Variants in DENND3 observed in about 807,000 individuals in gnomAD.
DENND3 encodes the protein DENN domain-containing protein 3.
In DENND3, 88 loss-of-function variants were observed where a neutral mutation model predicts 135.1. The ratio of observed to expected loss-of-function variants is 0.65; its 90% CI spans 0.55 to 0.78. The LOEUF is 0.78. DENND3 is among the 30% of genes least tolerant of loss of function. The pLI, the probability that DENND3 is intolerant of heterozygous loss-of-function variation, is 0.00. For synonymous variants in DENND3, 693 were observed against 712.3 expected, an observed-to-expected ratio of 0.97 and a Z score of 0.43; for missense variants, 1,392 against 1,688.4, an observed-to-expected ratio of 0.82 and a Z score of 3.08.
chr8:141,151,055 G>C, intron 6 of DENND3, 102 bp downstream of exon 6: 1 of 1,396,412 alleles, frequency 7.2e-7, no homozygotes, highest in Non-Finnish European at 9.4e-7. Flanking sequence ...ATTCCACAAT[G>C]CACCGACTGG....
Position 141,174,617 on chromosome 8 carries a change from G to A in DENND3, c.2276-583G>A, listed in dbSNP as rs952890295. Reference sequence around the variant, plus strand: ...TCCAGAGCCCGTGAGTGCTGGCCTCGTGGGAAGGTTACTGCTTCTCATCAG... The same window carrying A: ...TCCAGAGCCCGTGAGTGCTGGCCTCATGGGAAGGTTACTGCTTCTCATCAG... On this transcript the variant is annotated intron_variant, in intron 13 of 22. Coordinates refer to ENST00000519811, the MANE Select transcript of DENND3 (RefSeq NM_001352890.3). This position sits in a 1 kb window ranked among gnomAD's most constrained non-coding sequence, Gnocchi z 4.6. Among the ~76,000 whole-genome samples, 34 of 152,090 alleles carry A rather than the reference G, an allele frequency of 2.2e-4. No individual in the cohort carries two copies. Among genetic ancestry groups the A allele is most frequent in the Admixed American group, 1.2e-3 (18 of 15,272 alleles).
intron 8 of DENND3, chr8:141,158,423 T>A (rs1819709006): frequency 1.8e-6 from 2 of 1,133,992 alleles, no homozygotes; most frequent in African/African-American, 3.3e-5. Flanking sequence ...CTTGTTAGAA[T>A]TCCGGAATAG....
chr8:141,172,224 G>A (rs780866980), intron 13 of DENND3, among the ~76,000 whole-genome samples: 10 of 151,742 alleles, frequency 6.6e-5, no homozygotes, highest in East Asian at 5.8e-4. Context: ...CACAGTGGCC[G>A]TGGGTGTGCA....
chr8:141,145,832 TATATATATATATA>T lies in DENND3; in HGVS notation c.735+1574_735+1586del, dbSNP rs1569555464. Among the ~76,000 whole-genome samples, 42 of 82,740 alleles carry T rather than the reference TATATATATATATA, an allele frequency of 5.1e-4. 2 individuals carry two copies. Among genetic ancestry groups the T allele is most frequent in the African/African-American group, 3.6e-3 (42 of 11,636 alleles). The allele number at this position is 82,740 out of a possible 152,430, so 54.3% of individuals were successfully genotyped here. ...ATATATATATATATATATATATATA[TATATATATATATA>T]TATATGTATTTTTTTTTTTTTGAGG... On this transcript the variant is annotated intron_variant, in intron 5 of 22. Transcript: ENST00000519811.
chr8:141,166,467 G>T lies in DENND3; in HGVS notation c.1753+78G>T. The T allele has an allele frequency of 1.4e-6, 2 of 1,480,968 alleles. No individual in the cohort carries two copies. The highest frequency in any genetic ancestry group is 1.8e-6 in the Non-Finnish European group (2 of 1,101,080). 91.7% of individuals were successfully genotyped at this position (1,480,968 alleles called of 1,614,324 possible). A position where few individuals can be genotyped will look rare whatever the true frequency, so the allele number is the denominator to read the frequency against. ...CCTGCAAGTCATTGAGCAAAACTGGGACTTGTTTCAGGAGAGACGAGTGGG... is the reference window on the plus strand; with the variant it reads ...CCTGCAAGTCATTGAGCAAAACTGGTACTTGTTTCAGGAGAGACGAGTGGG... On this transcript the variant is annotated intron_variant, in intron 12 of 22. Coordinates refer to ENST00000519811, the MANE Select transcript of DENND3 (RefSeq NM_001352890.3). The surrounding 1 kb of genome is among the most constrained non-coding windows in gnomAD (Gnocchi z 4.3).
Position 141,190,478 on chromosome 8 carries a change from C to T in DENND3, c.3379+61C>T, listed in dbSNP as rs1029196620. On this transcript the variant is annotated intron_variant, in intron 20 of 22. Coordinates refer to ENST00000519811, the MANE Select transcript of DENND3 (RefSeq NM_001352890.3). The stretch of plus-strand genomic sequence containing the variant: ...ACCTCCCTGCTCTGGGAAAAGGATG[C>T]TGAACGAGAGCAGAAAGCCTCTTTC... 4.0e-6 allele frequency: 6 copies of T among 1,509,210 alleles called. No individual in the cohort carries two copies. In the African/African-American group the frequency reaches 8.4e-5, roughly 21 times the overall value. The allele number at this position is 1,509,210 out of a possible 1,614,324, so 93.5% of individuals were successfully genotyped here. A position where few individuals can be genotyped will look rare whatever the true frequency, so the allele number is the denominator to read the frequency against.
rs1821000613 is a variant in DENND3 at position 141,167,822 on chromosome 8, G to A, written c.1754-182G>A. Among the ~76,000 whole-genome samples the A allele has an allele frequency of 1.3e-5, 2 of 152,194 alleles. No homozygotes were observed. Among genetic ancestry groups the A allele is most frequent in the African/African-American group, 4.8e-5 (2 of 41,442 alleles). ...CTCCTTGGGGTACCATGGAAGCAAA[G>A]TGAGGGTTCTCTCATGCCTCCCAGG... On this transcript the variant is annotated intron_variant, in intron 12 of 22. Transcript: ENST00000519811. This position sits in a 1 kb window ranked among gnomAD's most constrained non-coding sequence, Gnocchi z 4.1.
In DENND3 at chr8:141,178,176, T is replaced by C; in HGVS notation, c.2816T>C (p.Phe939Ser). 1 of 1,611,982 alleles carries C rather than the reference T, an allele frequency of 6.2e-7. No individual in the cohort carries two copies. The highest frequency in any genetic ancestry group is 8.5e-7 in the Non-Finnish European group (1 of 1,178,068). ...AIYAASKLSY[F>S]DKMSNEMPMT... ...TACGCTGCCTCCAAGTTATCCTACT[T>C]TGATAAGATGAGTAACGAAAGTAAG... The change falls in exon 16 of 23, where the codon TTT becomes TCT. Residue 939 changes from phenylalanine to serine, a missense_variant. Physicochemically the swap from Phe to Ser is radical, Grantham distance 155 (BLOSUM62 -2). Transcript: ENST00000519811.
chr8:141,151,732 G>A lies in DENND3; in HGVS notation c.969G>A (p.Gln323=), dbSNP rs1818819923. The A allele has an allele frequency of 6.2e-7, 1 of 1,614,220 alleles. No individual in the cohort carries two copies. Among genetic ancestry groups the A allele is most frequent in the South Asian group, 1.1e-5 (1 of 91,082 alleles). ...FMAYLYPLQW[Q]HPFVPILSDQ... ...CCTACCTGTATCCGCTGCAGTGGCA[G>A]CACCCCTTCGTGCCCATCCTGTCGG... The change falls in exon 7 of 23, where the codon CAG becomes CAA. Residue 323 remains glutamine, a synonymous_variant. Coordinates refer to ENST00000519811, the MANE Select transcript of DENND3 (RefSeq NM_001352890.3).
chr8:141,145,803 TTATATA>T (rs60546894), intron 5 of DENND3, among the ~76,000 whole-genome samples: 2,633 of 86,528 alleles, frequency 0.03, 58 homozygotes, highest in Non-Finnish European at 0.042. Flanking sequence ...ATATTGAATA[TTATATA>T]TATATATATA....
chr8:141,134,963 C>CG (rs1340003746), intron 1 of DENND3, among the ~76,000 whole-genome samples: 1 of 152,046 alleles, frequency 6.6e-6, no homozygotes, highest in African/African-American at 2.4e-5. Flanking sequence ...CCCGCCCGGC[C>CG]GAGTAGCTGG....
intron 18 of DENND3, 59 bp from the exon 19 acceptor site, chr8:141,188,927 T>C: frequency 6.3e-7 from 1 of 1,585,070 alleles, no homozygotes; most frequent in Non-Finnish European, 8.6e-7. Context: ...ATGTATAGAA[T>C]ATGACTTCAC....
intron 19 of DENND3, among the ~76,000 whole-genome samples, 187 bp downstream of exon 19, chr8:141,189,333 A>C (rs892678087): frequency 7.2e-5 from 11 of 152,240 alleles, no homozygotes; most frequent in Non-Finnish European, 1.6e-4. Flanking sequence ...CGGAGAACCC[A>C]TGACACCAGT....
rs768789549 is a variant in DENND3 at position 141,168,233 on chromosome 8, G to A, written c.1983G>A (p.Gln661=). ...TGCTGAACGCCCTCTTGGACTTCCA[G>A]AATCTGTATAAAACAGACATACGGA... ...GQLLNALLDF[Q]NLYKTDIRIF... The change falls in exon 13 of 23, where the codon CAG becomes CAA. Residue 661 remains glutamine (Q), a synonymous_variant. Transcript: ENST00000519811. This position sits in a 1 kb window ranked among gnomAD's most constrained non-coding sequence, Gnocchi z 6.2. 2.1e-5 allele frequency: 34 copies of A among 1,614,032 alleles called. No individual in the cohort carries two copies. The South Asian group carries it at 3.4e-4, about 16-fold the overall frequency.
At position 141,188,916 on chromosome 8, in the gene DENND3, A is replaced by C; in HGVS notation, c.3085-70A>C. ...ATCCGCTAATTCAGCACGTGCAGTA[A>C]ATGTATAGAATATGACTTCACCAGT... On this transcript the variant is annotated intron_variant, in intron 18 of 22. Coordinates refer to ENST00000519811, the MANE Select transcript of DENND3 (RefSeq NM_001352890.3). 3.2e-6 allele frequency: 5 copies of C among 1,554,966 alleles called. No homozygotes were observed. In the South Asian group the frequency reaches 6.0e-5, roughly 19 times the overall value.
In DENND3 at chr8:141,166,085, G is replaced by A. The variant is rs1820748749; in HGVS notation, c.1554-105G>A. ...CAGTCTGTTTTCCACTGGTGTCCAA[G>A]AGTGTCATGTGCTCTTCATCACACT... is the stretch of plus-strand genomic sequence containing the variant. On this transcript the variant is annotated intron_variant, in intron 11 of 22. Transcript: ENST00000519811. The surrounding 1 kb of genome is among the most constrained non-coding windows in gnomAD (Gnocchi z 4.3). 1 of 1,133,224 alleles carries A rather than the reference G, an allele frequency of 8.8e-7. No homozygotes were observed. Among genetic ancestry groups the A allele is most frequent in the Non-Finnish European group, 1.3e-6 (1 of 766,780 alleles). The allele number at this position is 1,133,224 out of a possible 1,614,324, so 70.2% of individuals were successfully genotyped here. A position where few individuals can be genotyped will look rare whatever the true frequency, so the allele number is the denominator to read the frequency against.
At chr8:141,190,625 T>G in intron 20 of DENND3, 4 of 664,804 alleles carry the variant, frequency 6.0e-6, no homozygotes, top group Non-Finnish European at 9.3e-6. Context: ...TCTGCCTTTC[T>G]ACCCAGCGGC....
chr8:141,183,766 A>G (rs1181782933), intron 17 of DENND3, among the ~76,000 whole-genome samples: 1 of 151,024 alleles, frequency 6.6e-6, no homozygotes, highest in Non-Finnish European at 1.5e-5. Flanking sequence ...TAAAAAAAAA[A>G]AGAAAAGTTT....
intron 10 of DENND3, 95 bp downstream of exon 10, chr8:141,163,524 A>G (rs1201092743): frequency 2.4e-6 from 2 of 827,484 alleles, no homozygotes; most frequent in African/African-American, 3.5e-5. Flanking sequence ...TCTCAAGTGT[A>G]TCAACTTTTC....
Sources: gnomAD v4.1 joint callset for allele counts (sites outside exome capture counted in the v4.1 genomes callset) on GRCh38, gnomAD v4.1.1 for gene constraint, Gnocchi (gnomAD v3.1) non-coding constraint, MANE v1.5 for transcripts, NCBI Gene and HGNC (gene_info 2026-07-23, HGNC 2026-07-21) for gene names.